Variants in NBEAL1 observed in about 807,000 individuals in gnomAD.
NBEAL1 encodes the protein neurobeachin-like protein 1.
Under a neutral mutation model 351.3 loss-of-function variants are expected in NBEAL1, and 273 were observed. That is an observed-to-expected ratio of 0.78 (90% CI 0.70 to 0.86). The LOEUF (loss-of-function observed/expected upper bound fraction) is 0.86, where lower values mean the gene tolerates loss of function less well. NBEAL1 is among the 40% of genes least tolerant of loss of function. NBEAL1 has a pLI of 0.00. For synonymous variants in NBEAL1, 1,050 were observed against 1,086.4 expected (o/e 0.97, Z 0.66); for missense variants, 2,961 against 3,201.3 (o/e 0.92, Z 1.81).
In NBEAL1 at chr2:203,111,829, A is replaced by G. The variant is rs139004332; in HGVS notation, c.2083-150A>G. Reference sequence around the variant, plus strand: ...GTGCTTTTGTACTACTATGGAAAAAATTGTTACTTTGAGAACATCAATTTA... The same window carrying G: ...GTGCTTTTGTACTACTATGGAAAAAGTTGTTACTTTGAGAACATCAATTTA... On this transcript the variant is annotated intron_variant, in intron 15 of 55. Coordinates refer to ENST00000683969, the MANE Select transcript of NBEAL1 (RefSeq NM_001378026.1). The G allele has an allele frequency of 4.1e-5, 36 of 872,904 alleles. 1 individual carries two copies. The Middle Eastern group carries it at 2.1e-3, about 52-fold the overall frequency. The allele number at this position is 872,904 out of a possible 1,614,324, so 54.1% of individuals were successfully genotyped here.
intron 15 of NBEAL1, among the ~76,000 whole-genome samples, chr2:203,111,754 T>C (rs2062577661): frequency 6.6e-6 from 1 of 152,206 alleles, no homozygotes; most frequent in Admixed American, 6.5e-5. Context: ...GCTTTGGAAA[T>C]GCAGAAAAGG....
chr2:203,069,634 T>C (rs1029387923), intron 7 of NBEAL1, among the ~76,000 whole-genome samples: 8 of 152,220 alleles, frequency 5.3e-5, no homozygotes, highest in Non-Finnish European at 1.2e-4. Context: ...TATTGTATAT[T>C]GTATGCTTGT....
At chr2:203,074,125 G>A (rs559398391) in intron 7 of NBEAL1, among the ~76,000 whole-genome samples, 1 of 152,120 alleles carries the variant, frequency 6.6e-6, no homozygotes, top group African/African-American at 2.4e-5. Context: ...TTAAGTATGT[G>A]AGGTAATGTG....
intron 17 of NBEAL1, among the ~76,000 whole-genome samples, chr2:203,114,217 C>A (rs1352552330): frequency 2.0e-5 from 3 of 152,124 alleles, no homozygotes; most frequent in Non-Finnish European, 4.4e-5. Flanking sequence ...GGCCCTATTC[C>A]AATACAGTCA....
intron 2 of NBEAL1, among the ~76,000 whole-genome samples, chr2:203,030,415 T>C (rs2060931554): frequency 6.6e-6 from 1 of 152,142 alleles, no homozygotes; most frequent in Admixed American, 6.5e-5. Flanking sequence ...GGCCTCTCCA[T>C]AGTACTGAAC....
intron 4 of NBEAL1, among the ~76,000 whole-genome samples, chr2:203,054,532 AGT>A (rs2061375693): frequency 6.6e-6 from 1 of 151,992 alleles, no homozygotes. Context: ...TGCCTCTCAA[AGT>A]GTTGGGATTA....
chr2:203,019,841 G>C (rs2060738644), intron 2 of NBEAL1, among the ~76,000 whole-genome samples: 1 of 152,104 alleles, frequency 6.6e-6, no homozygotes, highest in Admixed American at 6.6e-5. Flanking sequence ...TTCTGCCTGG[G>C]TTCAATTGTA....
At chr2:203,052,756 T>TTA (rs536657953) in intron 4 of NBEAL1, among the ~76,000 whole-genome samples, 1 of 151,302 alleles carries the variant, frequency 6.6e-6, no homozygotes, top group East Asian at 1.9e-4. Context: ...ATTTATTTAT[T>TTA]TGTATTTTTT....
At chr2:203,196,055 C>G (rs926064289) in intron 47 of NBEAL1, among the ~76,000 whole-genome samples, 1 of 152,182 alleles carries the variant, frequency 6.6e-6, no homozygotes, top group Non-Finnish European at 1.5e-5. Context: ...ATGGCAGTCT[C>G]AGGCCTGCTA....
Position 203,110,134 on chromosome 2 carries a change from T to C in NBEAL1, c.1950-16T>C. 1.3e-6 allele frequency: 2 copies of C among 1,543,742 alleles called. No homozygotes were observed. The highest frequency in any genetic ancestry group is 2.4e-5 in the South Asian group (2 of 82,262). On this transcript the variant is annotated splice_polypyrimidine_tract_variant and intron_variant, in intron 14 of 55. Coordinates refer to ENST00000683969, the MANE Select transcript of NBEAL1 (RefSeq NM_001378026.1). ...CAACCAACTTTAAAAGTTCTGATAA[T>C]ACGTATTTTTTTTAGTTTTTTTACA...
Position 203,049,847 on chromosome 2 carries a change from T to G in NBEAL1, c.177T>G (p.Leu59=). Reference sequence around the variant, plus strand: ...ATATGCCTCCAGGAATATCTCTGCTTCCTGATAATATTCTGCAGGTTCTGA... The same window carrying G: ...ATATGCCTCCAGGAATATCTCTGCTGCCTGATAATATTCTGCAGGTTCTGA... ...VDDMPPGISL[L]PDNILQVLRI... Residue 59 remains leucine, a synonymous_variant, in exon 4 of 56, where the codon CTT becomes CTG. Coordinates refer to ENST00000683969, the MANE Select transcript of NBEAL1 (RefSeq NM_001378026.1). 1 of 1,554,194 alleles carries G rather than the reference T, an allele frequency of 6.4e-7. No homozygotes were observed. The highest frequency in any genetic ancestry group is 8.7e-7 in the Non-Finnish European group (1 of 1,147,164).
At position 203,112,995 on chromosome 2, in the gene NBEAL1, A is replaced by ATTTG; in HGVS notation, c.2203-8_2203-5dup. On this transcript the variant is annotated intron_variant, in intron 16 of 55. Coordinates refer to ENST00000683969, the MANE Select transcript of NBEAL1 (RefSeq NM_001378026.1). ...GATATATGTTAATTAAAATTGTGTAATTTGTTTGTTTGTTTTTAGCCCTTT... is the reference window on the plus strand; with the variant it reads ...GATATATGTTAATTAAAATTGTGTAATTTGTTTGTTTGTTTGTTTTTAGCCCTTT... The ATTTG allele has an allele frequency of 2.8e-6, 4 of 1,433,238 alleles. No individual in the cohort carries two copies. The highest frequency in any genetic ancestry group is 3.7e-6 in the Non-Finnish European group (4 of 1,090,186). The allele number at this position is 1,433,238 out of a possible 1,614,324, so 88.8% of individuals were successfully genotyped here. A position where few individuals can be genotyped will look rare whatever the true frequency, so the allele number is the denominator to read the frequency against.
At chr2:203,170,459 G>C (rs1412850592) in intron 39 of NBEAL1, among the ~76,000 whole-genome samples, 1 of 151,636 alleles carries the variant, frequency 6.6e-6, no homozygotes, top group South Asian at 2.1e-4. Context: ...GCCTGGAAAG[G>C]GCCAAAAAAT....
intron 11 of NBEAL1, among the ~76,000 whole-genome samples, chr2:203,099,276 CAAAAA>C (rs767300078): frequency 1.1e-5 from 1 of 88,586 alleles, no homozygotes; most frequent in Non-Finnish European, 2.4e-5. Context: ...AACTCCATCT[CAAAAA>C]AAAAAAAAAA....
At chr2:203,141,366 AT>A (rs71034219) in intron 31 of NBEAL1, among the ~76,000 whole-genome samples, 50 of 9,030 alleles carry the variant, frequency 5.5e-3, no homozygotes, top group Non-Finnish European at 0.01. Flanking sequence ...TATTATTATT[AT>A]TTTTTTTTTT....
chr2:203,210,892 T>A (rs1471593184), intron 53 of NBEAL1, 66 bp from the exon 54 acceptor site: 2 of 933,574 alleles, frequency 2.1e-6, no homozygotes, highest in African/African-American at 3.3e-5. Flanking sequence ...TAGTCAGAGT[T>A]TTAACTGGTT....
At chr2:203,196,268 A>G (rs1171601304) in intron 47 of NBEAL1, among the ~76,000 whole-genome samples, 1 of 152,242 alleles carries the variant, frequency 6.6e-6, no homozygotes, top group African/African-American at 2.4e-5. Context: ...TGTACCTACC[A>G]TGTCACATAG....
chr2:203,023,969 A>T (rs973981574), intron 2 of NBEAL1, among the ~76,000 whole-genome samples: 1 of 152,154 alleles, frequency 6.6e-6, no homozygotes, highest in African/African-American at 2.4e-5. Context: ...TAAATAGGTG[A>T]CAGAGGAAGA....
At chr2:203,094,353 G>A (rs1218942202) in intron 10 of NBEAL1, among the ~76,000 whole-genome samples, 2 of 152,136 alleles carry the variant, frequency 1.3e-5, no homozygotes, top group Admixed American at 1.3e-4. Flanking sequence ...CAAATATACC[G>A]CATGATGCCA....
Sources: gnomAD v4.1 joint callset for allele counts (sites outside exome capture counted in the v4.1 genomes callset) on GRCh38, gnomAD v4.1.1 for gene constraint, MANE v1.5 for transcripts, NCBI Gene and HGNC (gene_info 2026-07-23, HGNC 2026-07-21) for gene names.